Variants in NCBP1 observed in about 807,000 individuals in gnomAD.
NCBP1 encodes the protein nuclear cap binding protein subunit 1, also known as nuclear cap-binding protein subunit 1.
NCBP1 carries 16 observed loss-of-function variants against 111.7 expected under a neutral mutation model. The ratio of observed to expected loss-of-function variants is 0.14; its 90% CI spans 0.10 to 0.22. The LOEUF (loss-of-function observed/expected upper bound fraction) is 0.22, where lower values mean the gene tolerates loss of function less well. NCBP1 is among the 10% of genes least tolerant of loss of function. NCBP1 has a pLI of 1.00. For missense variants in NCBP1, 607 were observed against 957.5 expected (o/e 0.63, Z 4.83); for synonymous variants, 304 against 314.3 (o/e 0.97, Z 0.35).
chr9:97,663,157 G>C (rs985940848), intron 18 of NCBP1, 110 bp downstream of exon 18: 2 of 810,828 alleles, frequency 2.5e-6, no homozygotes, highest in African/African-American at 1.8e-5. Context: ...ACTCTGCCTA[G>C]ATAATGGTTT....
intron 14 of NCBP1, among the ~76,000 whole-genome samples, chr9:97,657,358 C>A (rs1564025260): frequency 6.6e-6 from 1 of 152,032 alleles, no homozygotes; most frequent in African/African-American, 2.4e-5. Context: ...TTTTTTCTAT[C>A]TTTGTGTTTT....
chr9:97,668,065 A>T (rs566882923), intron 20 of NCBP1, among the ~76,000 whole-genome samples: 4 of 152,174 alleles, frequency 2.6e-5, no homozygotes, highest in Non-Finnish European at 5.9e-5. Context: ...AGATCAGTAG[A>T]TGGGGCCTTA....
chr9:97,636,955 G>A (rs769425210), intron 1 of NCBP1, among the ~76,000 whole-genome samples: 12 of 152,098 alleles, frequency 7.9e-5, no homozygotes, highest in Non-Finnish European at 1.8e-4. Context: ...TAAGGTAGCA[G>A]CCATATAGCT....
In NCBP1 at chr9:97,656,922, G is replaced by A. The variant is rs538689603; in HGVS notation, c.1373+837G>A. 6.6e-4 allele frequency among the ~76,000 whole-genome samples: 100 copies of A among 152,190 alleles called. 3 individuals are homozygous for A. The South Asian group carries it at 0.016, about 25-fold the overall frequency. On this transcript the variant is annotated intron_variant, in intron 14 of 22. Transcript: ENST00000375147. ...AGGTGCTGCTGAAATTTTGCCAGCCGTCCCAACACCTGTATTTCCTGTCTG... is the reference window on the plus strand; with the variant it reads ...AGGTGCTGCTGAAATTTTGCCAGCCATCCCAACACCTGTATTTCCTGTCTG...
chr9:97,652,753 T>C (rs1026304243), intron 10 of NCBP1, among the ~76,000 whole-genome samples: 2 of 152,234 alleles, frequency 1.3e-5, no homozygotes, highest in African/African-American at 4.8e-5. Context: ...CTTTGGTGCC[T>C]TTTTAAAAAA....
chr9:97,634,224 C>T (rs2131324930), intron 1 of NCBP1, among the ~76,000 whole-genome samples: 1 of 152,342 alleles, frequency 6.6e-6, no homozygotes, highest in Admixed American at 6.5e-5. Flanking sequence ...CAGGGAAGCA[C>T]ACCTGTGTCT....
intron 1 of NCBP1, among the ~76,000 whole-genome samples, chr9:97,637,061 G>C (rs1827062449): frequency 6.6e-6 from 1 of 152,166 alleles, no homozygotes; most frequent in South Asian, 2.1e-4. Context: ...AAGGAGGCCA[G>C]TGGTGCTGGA....
intron 12 of NCBP1, 37 bp downstream of exon 12, chr9:97,654,981 G>C (rs1225956918): frequency 3.4e-6 from 5 of 1,469,278 alleles, no homozygotes; most frequent in African/African-American, 1.5e-5. Flanking sequence ...TGAGTTAGCA[G>C]CTTTTACTTC....
At chr9:97,651,913 A>G (rs1486887880) in intron 10 of NCBP1, among the ~76,000 whole-genome samples, 1 of 152,210 alleles carries the variant, frequency 6.6e-6, no homozygotes, top group Non-Finnish European at 1.5e-5. Context: ...ATTAACTCAT[A>G]CAAAAGGTTG....
At chr9:97,666,426 G>A (rs1828003814) in intron 19 of NCBP1, among the ~76,000 whole-genome samples, 1 of 152,144 alleles carries the variant, frequency 6.6e-6, no homozygotes. Context: ...ATTTAGGAGA[G>A]GAAAAATGTA....
rs1828260965 is a variant in NCBP1, at chr9:97,673,537, G to C, written c.*2338G>C. On this transcript the variant is annotated 3_prime_UTR_variant, in exon 23 of 23. Transcript: ENST00000375147. ...CTGTTCGCTGATGTGGTCCTGCTCT[G>C]TCCCAGTCTAGCAGCTTTAGTGTAT... The C allele has an allele frequency of 6.6e-6, 1 of 152,178 alleles. No individual in the cohort carries two copies. The highest frequency in any genetic ancestry group is 1.5e-5 in the Non-Finnish European group (1 of 68,042). 9.4% of individuals were successfully genotyped at this position (152,178 alleles called of 1,614,324 possible).
intron 18 of NCBP1, among the ~76,000 whole-genome samples, chr9:97,663,601 C>T (rs1431080183): frequency 1.3e-5 from 2 of 151,948 alleles, no homozygotes; most frequent in Non-Finnish European, 2.9e-5. Context: ...TCCCCTGCCT[C>T]AGCCTCCCGA....
Position 97,645,703 on chromosome 9 carries a change from C to T in NCBP1, c.582C>T (p.Arg194=), listed in dbSNP as rs747362490. 2.5e-6 allele frequency: 4 copies of T among 1,614,000 alleles called. No individual in the cohort carries two copies. Among genetic ancestry groups the T allele is most frequent in the Non-Finnish European group, 3.4e-6 (4 of 1,179,932 alleles). ...AAAAGAAAGATGCAGAGATGGACCG[C>T]ATCTTTGCCAACACTGAAAGCTATC... is the stretch of plus-strand genomic sequence containing the variant. The part of the protein sequence containing the change: ...LYEKKDAEMD[R]IFANTESYLK... The change falls in exon 6 of 23, where the codon CGC becomes CGT. Residue 194 remains arginine (R), a synonymous_variant. Transcript: ENST00000375147.
rs112228896 is a variant in NCBP1 at position 97,655,045 on chromosome 9, G to GT, written c.1235+108dup. ...ACATTTTTAAGAATTTCCATGTTTA[G>GT]TTTTTTTCTTGCCTCCCAAAATAAC... On this transcript the variant is annotated intron_variant, in intron 12 of 22. Coordinates refer to ENST00000375147, the MANE Select transcript of NCBP1 (RefSeq NM_002486.5). 0.03 allele frequency: 31,135 copies of GT among 1,053,930 alleles called. 4,508 individuals are homozygous for GT. In the African/African-American group the frequency reaches 0.36, roughly 12 times the overall value. 65.3% of individuals were successfully genotyped at this position (1,053,930 alleles called of 1,614,324 possible). A position where few individuals can be genotyped will look rare whatever the true frequency, so the allele number is the denominator to read the frequency against.
chr9:97,641,780 G>T, intron 3 of NCBP1, 118 bp downstream of exon 3: 1 of 1,108,322 alleles, frequency 9.0e-7, no homozygotes, highest in East Asian at 3.4e-5. Flanking sequence ...TACTTCTATG[G>T]GGAAATTTGT....
Position 97,650,810 on chromosome 9 carries a change from G to A in NCBP1, c.995+210G>A, listed in dbSNP as rs369447946. ...TTCGAGGTGCTTTATAGTAATAAGC[G>A]TATGATGCCAGTGTGTTTGGTGTGG... is the stretch of plus-strand genomic sequence containing the variant. On this transcript the variant is annotated intron_variant, in intron 9 of 22. Transcript: ENST00000375147. 1.6e-3 allele frequency among the ~76,000 whole-genome samples: 249 copies of A among 152,208 alleles called. 1 individual carries two copies. The highest frequency in any genetic ancestry group is 5.6e-3 in the African/African-American group (231 of 41,534).
chr9:97,647,444 T>C (rs759972527), intron 6 of NCBP1, 48 bp from the exon 7 acceptor site: 7 of 1,412,932 alleles, frequency 5.0e-6, no homozygotes, highest in Non-Finnish European at 7.0e-6. Context: ...TGACTGAGCA[T>C]CTCTTGTTTT....
At chr9:97,649,781 A>G (rs1048453679) in intron 8 of NCBP1, among the ~76,000 whole-genome samples, 3 of 151,700 alleles carry the variant, frequency 2.0e-5, no homozygotes, top group Non-Finnish European at 4.4e-5. Context: ...GGGACCTCAA[A>G]ATTTGTTTCT....
intron 6 of NCBP1, among the ~76,000 whole-genome samples, chr9:97,646,872 G>A (rs1180396945): frequency 2.1e-5 from 3 of 146,306 alleles, no homozygotes; most frequent in African/African-American, 7.5e-5. Context: ...AGAATCGTGT[G>A]TGTGTGTATA....
Sources: gnomAD v4.1 joint callset for allele counts (sites outside exome capture counted in the v4.1 genomes callset) on GRCh38, gnomAD v4.1.1 for gene constraint, MANE v1.5 for transcripts, NCBI Gene and HGNC (gene_info 2026-07-23, HGNC 2026-07-21) for gene names.